Variants in CADM2 observed in about 807,000 individuals in gnomAD.
CADM2 encodes immunoglobulin superfamily member 4D.
CADM2 carries 12 observed loss-of-function variants against 49.8 expected under a neutral mutation model. The ratio of observed to expected loss-of-function variants is 0.24; its 90% CI spans 0.15 to 0.39. CADM2 has a LOEUF of 0.39. CADM2 is among the 10% of genes least tolerant of loss of function. The probability of loss-of-function intolerance (pLI) is 1.00; values close to 1 mark genes in which losing one functional copy is unlikely to be tolerated. For missense variants in CADM2, 378 were observed against 492.3 expected, an observed-to-expected ratio of 0.77 and a Z score of 2.20; for synonymous variants, 214 against 175.4, an observed-to-expected ratio of 1.22 and a Z score of -1.74.
intron 1 of CADM2, among the ~76,000 whole-genome samples, chr3:85,055,043 G>A (rs2036027637): frequency 6.6e-6 from 1 of 151,830 alleles, no homozygotes; most frequent in African/African-American, 2.4e-5. Context: ...CTAATGCACT[G>A]AAAGTGTTTT....
intron 1 of CADM2, among the ~76,000 whole-genome samples, chr3:85,641,783 T>C (rs2064723356): frequency 7.0e-6 from 1 of 141,972 alleles, no homozygotes; most frequent in African/African-American, 2.6e-5. Flanking sequence ...AAAAAAAAAA[T>C]AGCCAGGTGT....
chr3:85,239,618 C>G (rs1181008372), intron 1 of CADM2, among the ~76,000 whole-genome samples: 1 of 151,386 alleles, frequency 6.6e-6, no homozygotes, highest in African/African-American at 2.4e-5. Context: ...ATGGATCATT[C>G]TATTCTTAAG....
At chr3:85,518,746 C>A (rs1436716612) in intron 1 of CADM2, among the ~76,000 whole-genome samples, 1 of 152,070 alleles carries the variant, frequency 6.6e-6, no homozygotes, top group Non-Finnish European at 1.5e-5. Context: ...TTTTCATGGT[C>A]TCCCTCTTCC....
At chr3:85,912,264 T>C in intron 5 of CADM2, 109 bp from the exon 6 acceptor site, 1 of 709,156 alleles carries the variant, frequency 1.4e-6, no homozygotes, top group Non-Finnish European at 2.3e-6. Flanking sequence ...AATATTTGCT[T>C]CTTAAAAATT....
chr3:85,919,999 A>C (rs1718885708), intron 6 of CADM2, among the ~76,000 whole-genome samples: 1 of 151,928 alleles, frequency 6.6e-6, no homozygotes, highest in Middle Eastern at 3.4e-3. Flanking sequence ...CACTTGTAAA[A>C]AGTAATAAAG....
intron 8 of CADM2, among the ~76,000 whole-genome samples, chr3:86,053,200 C>T (rs1174361639): frequency 6.6e-6 from 1 of 152,062 alleles, no homozygotes; most frequent in Non-Finnish European, 1.5e-5. Flanking sequence ...AAGTTGGTTT[C>T]TGTAATACAA....
intron 1 of CADM2, among the ~76,000 whole-genome samples, chr3:85,588,904 A>G (rs866362538): frequency 1.4e-4 from 21 of 152,046 alleles, no homozygotes; most frequent in African/African-American, 4.6e-4. Flanking sequence ...ATGCCTGTCC[A>G]TTTCATCCAC....
intron 2 of CADM2, among the ~76,000 whole-genome samples, chr3:85,734,976 ATATGTGTG>A (rs1325234148): frequency 3.5e-5 from 4 of 113,622 alleles, no homozygotes; most frequent in African/African-American, 1.8e-4. Context: ...AGAAATATAT[ATATGTGTG>A]TGTGTGTGTG....
At chr3:85,813,803 C>T (rs1388275513) in intron 3 of CADM2, among the ~76,000 whole-genome samples, 1 of 151,988 alleles carries the variant, frequency 6.6e-6, no homozygotes. Context: ...GGAATCGTTT[C>T]CCCATTGCTT....
rs535109873 is a variant in CADM2, at chr3:85,741,658, CTCTG to C, written c.88+15114_88+15117del. On this transcript the variant is annotated intron_variant, in intron 2 of 9. Transcript: ENST00000383699. ...ACTCCAGCCTGGGCGACAGGCAAGA[CTCTG>C]TCTCAGAAAAAATAGTTGTCTCACA... Among the ~76,000 whole-genome samples the C allele has an allele frequency of 2.6e-3, 390 of 152,214 alleles. 1 individual carries two copies. The highest frequency in any genetic ancestry group is 4.3e-3 in the Non-Finnish European group (291 of 68,020).
At chr3:85,353,378 T>G in intron 1 of CADM2, among the ~76,000 whole-genome samples, 1 of 152,122 alleles carries the variant, frequency 6.6e-6, no homozygotes, top group East Asian at 1.9e-4. Flanking sequence ...ATGTTTACCT[T>G]TGCTTTGTTC....
At chr3:85,999,729 G>A (rs1175432584) in intron 8 of CADM2, among the ~76,000 whole-genome samples, 1 of 151,982 alleles carries the variant, frequency 6.6e-6, no homozygotes, top group Non-Finnish European at 1.5e-5. Context: ...TACAGGGAGT[G>A]GTGATGAATT....
chr3:85,348,102 A>G (rs116207778), intron 1 of CADM2, among the ~76,000 whole-genome samples: 70 of 152,128 alleles, frequency 4.6e-4, no homozygotes, highest in African/African-American at 1.6e-3. Flanking sequence ...CAAGACTTTT[A>G]TTTTATCCTA....
intron 2 of CADM2, among the ~76,000 whole-genome samples, chr3:85,762,594 CCT>C (rs758842388): frequency 6.7e-3 from 334 of 49,968 alleles, no homozygotes; most frequent in Middle Eastern, 9.4e-3. Context: ...CTGCACTACT[CCT>C]CTCTCTCTCT....
At chr3:85,555,807 A>T (rs2061943346) in intron 1 of CADM2, among the ~76,000 whole-genome samples, 2 of 152,074 alleles carry the variant, frequency 1.3e-5, no homozygotes, top group Admixed American at 1.3e-4. Flanking sequence ...TTGTTAATAA[A>T]CTCATTTAAA....
At position 85,405,673 on chromosome 3, in the gene CADM2, C is replaced by T. The variant is rs143290693; in HGVS notation, c.62-320849C>T. On this transcript the variant is annotated intron_variant, in intron 1 of 9. Coordinates refer to ENST00000383699, the MANE Select transcript of CADM2 (RefSeq NM_001167675.2). ...TATAGAAATTAAAAAGCCTTGATTC[C>T]GAGCAAGGATTTCTTAAAAGCTCCT... is the stretch of plus-strand genomic sequence containing the variant. Among the ~76,000 whole-genome samples, 669 of 151,866 alleles carry T rather than the reference C, an allele frequency of 4.4e-3. 3 individuals carry two copies. Among genetic ancestry groups the T allele is most frequent in the Middle Eastern group, 0.01 (3 of 292 alleles).
intron 1 of CADM2, among the ~76,000 whole-genome samples, chr3:85,577,067 A>AT (rs1479109036): frequency 2.6e-5 from 4 of 152,178 alleles, no homozygotes. Flanking sequence ...CAAACCTTCT[A>AT]TATAGACAAT....
intron 1 of CADM2, among the ~76,000 whole-genome samples, chr3:85,003,109 A>C (rs912010790): frequency 5.3e-5 from 8 of 152,104 alleles, no homozygotes; most frequent in African/African-American, 1.7e-4. Flanking sequence ...TCCTTTGAGA[A>C]TCTCCATCCA....
intron 1 of CADM2, among the ~76,000 whole-genome samples, chr3:85,351,555 C>T (rs1232634598): frequency 6.6e-6 from 1 of 152,056 alleles, no homozygotes; most frequent in Non-Finnish European, 1.5e-5. Context: ...TCAATTTGAT[C>T]TGGGAACACT....
Sources: gnomAD v4.1 joint callset for allele counts (sites outside exome capture counted in the v4.1 genomes callset) on GRCh38, gnomAD v4.1.1 for gene constraint, MANE v1.5 for transcripts, NCBI Gene and HGNC (gene_info 2026-07-23, HGNC 2026-07-21) for gene names.